ABLIM1: variants seen among roughly 807,000 people sequenced by gnomAD.
ABLIM1 encodes the protein actin binding LIM protein 1.
Under a neutral mutation model 107.0 loss-of-function variants are expected in ABLIM1, and 40 were observed. The ratio of observed to expected loss-of-function variants is 0.37; its 90% CI spans 0.29 to 0.49. ABLIM1 has a LOEUF of 0.49. ABLIM1 is among the 20% of genes least tolerant of loss of function. The pLI, the probability that ABLIM1 is intolerant of heterozygous loss-of-function variation, is 0.97. For synonymous variants in ABLIM1, 357 were observed against 357.3 expected, an observed-to-expected ratio of 1.00 and a Z score of 0.01; for missense variants, 857 against 1,008.5, an observed-to-expected ratio of 0.85 and a Z score of 2.04.
At chr10:114,533,060 C>T (rs1039349233) in intron 6 of ABLIM1, among the ~76,000 whole-genome samples, 3 of 152,140 alleles carry the variant, frequency 2.0e-5, no homozygotes, top group Non-Finnish European at 4.4e-5. Context: ...TTTAAACTGG[C>T]CAGGTGCAGT....
At chr10:114,788,413 CAA>C in the ABLIM1 span, among the ~76,000 whole-genome samples, 24 of 128,940 alleles carry the variant, frequency 1.9e-4, no homozygotes, top group Admixed American at 2.4e-4. Context: ...GAGTCAACTC[CAA>C]AAAAAAAAAA....
Position 114,574,807 on chromosome 10 carries a change from A to G in ABLIM1, c.563+609T>C, listed in dbSNP as rs543470164. ...TACAACCTTGGTAGATGACAGATACATAGAGAACAGGGTTGGCAAATATTT... is the reference window on the plus strand; with the variant it reads ...TACAACCTTGGTAGATGACAGATACGTAGAGAACAGGGTTGGCAAATATTT... On this transcript the variant is annotated intron_variant, in intron 3 of 22. Coordinates refer to ENST00000533213, the MANE Select transcript of ABLIM1 (RefSeq NM_002313.7). Among the ~76,000 whole-genome samples, 4 of 152,326 alleles carry G rather than the reference A, an allele frequency of 2.6e-5. No individual in the cohort carries two copies. In the South Asian group the frequency reaches 8.3e-4, roughly 32 times the overall value.
At chr10:114,637,552 G>A (rs573569940) in intron 1 of ABLIM1, among the ~76,000 whole-genome samples, 1 of 152,252 alleles carries the variant, frequency 6.6e-6, no homozygotes, top group Non-Finnish European at 1.5e-5. Flanking sequence ...TTTTATGGTT[G>A]TATCCAAACT....
At chr10:114,502,486 A>ATTATTTTATT (rs572731163) in intron 6 of ABLIM1, 3 of 151,938 alleles carry the variant, frequency 2.0e-5, no homozygotes, top group African/African-American at 7.3e-5. Context: ...TGCCTTTTTA[A>ATTATTTTATT]TTATTTTATT....
chr10:114,605,963 G>A (rs1439712131), intron 1 of ABLIM1, among the ~76,000 whole-genome samples: 1 of 152,082 alleles, frequency 6.6e-6, no homozygotes, highest in East Asian at 1.9e-4. Context: ...CAATGAGACT[G>A]GGGGAAGGAG....
At chr10:114,586,172 C>G (rs1477332093) in intron 2 of ABLIM1, among the ~76,000 whole-genome samples, 1 of 152,200 alleles carries the variant, frequency 6.6e-6, no homozygotes, top group Admixed American at 6.5e-5. Flanking sequence ...AAACTTCACT[C>G]ATCTTCCAAC....
chr10:114,493,160 A>G (rs1292956802), intron 6 of ABLIM1, among the ~76,000 whole-genome samples: 1 of 152,216 alleles, frequency 6.6e-6, no homozygotes, highest in African/African-American at 2.4e-5. Flanking sequence ...TCCTGCCTGT[A>G]GGACATCTGA....
intron 6 of ABLIM1, among the ~76,000 whole-genome samples, chr10:114,505,103 C>A (rs796588748): frequency 6.6e-6 from 1 of 152,164 alleles, no homozygotes. Context: ...GCTATTAAGT[C>A]GGCTGGTGCT....
intron 6 of ABLIM1, among the ~76,000 whole-genome samples, chr10:114,505,046 C>A (rs2060939687): frequency 6.6e-6 from 1 of 152,140 alleles, no homozygotes; most frequent in African/African-American, 2.4e-5. Flanking sequence ...GGAAGTTGGA[C>A]CCCAGAGGGA....
At position 114,504,201 on chromosome 10, in the gene ABLIM1, T is replaced by G. The variant is rs778031157; in HGVS notation, c.895-12323A>C. ...TTTCTTCCCTTATCAATTACTTTTGTTAACAATACCCTTTGTACTTGTTCT... is the reference window on the plus strand; with the variant it reads ...TTTCTTCCCTTATCAATTACTTTTGGTAACAATACCCTTTGTACTTGTTCT... On this transcript the variant is annotated intron_variant, in intron 6 of 22. Coordinates refer to ENST00000533213, the MANE Select transcript of ABLIM1 (RefSeq NM_002313.7). Among the ~76,000 whole-genome samples the G allele has an allele frequency of 3.9e-4, 60 of 152,238 alleles. 1 individual carries two copies. The highest frequency in any genetic ancestry group is 1.6e-4 in the Non-Finnish European group (11 of 68,034).
intron 1 of ABLIM1, chr10:114,615,685 G>A: frequency 2.5e-6 from 1 of 401,772 alleles, no homozygotes; most frequent in East Asian, 7.5e-5. Flanking sequence ...CAGTCTTTGG[G>A]TGAAACTGAA....
At chr10:114,631,206 A>G (rs2078150329) in intron 1 of ABLIM1, among the ~76,000 whole-genome samples, 1 of 152,326 alleles carries the variant, frequency 6.6e-6, no homozygotes, top group East Asian at 1.9e-4. Context: ...CATTTCAACT[A>G]TCATTCAATT....
At chr10:114,526,492 G>T in intron 6 of ABLIM1, 2 of 308,200 alleles carry the variant, frequency 6.5e-6, no homozygotes, top group Non-Finnish European at 9.5e-6. Flanking sequence ...AAAACAAAAA[G>T]TTTACATAAA....
intron 6 of ABLIM1, among the ~76,000 whole-genome samples, chr10:114,504,539 G>T (rs552930883): frequency 1.3e-5 from 2 of 152,170 alleles, no homozygotes; most frequent in East Asian, 3.9e-4. Flanking sequence ...TCTTCCTAAG[G>T]CCATCCCTTG....
chr10:114,726,610 G>A (rs138757177), intron 1 of ABLIM1, among the ~76,000 whole-genome samples: 3,115 of 151,968 alleles, frequency 0.02, 96 homozygotes, highest in African/African-American at 0.069. Context: ...GTGAAACCCC[G>A]TCTCCACTAA....
the ABLIM1 span, among the ~76,000 whole-genome samples, chr10:114,783,217 G>C: frequency 6.6e-6 from 1 of 151,946 alleles, no homozygotes; most frequent in Admixed American, 6.6e-5. Context: ...GGGAGGCAGA[G>C]GTTGCAGTGA....
chr10:114,575,557 T>C lies in ABLIM1; in HGVS notation c.422A>G (p.Asn141Ser). 1.2e-6 allele frequency: 2 copies of C among 1,614,176 alleles called. No homozygotes were observed. The highest frequency in any genetic ancestry group is 1.7e-6 in the Non-Finnish European group (2 of 1,180,008). The change falls in exon 3 of 23, where the codon AAC becomes AGC. Residue 141 changes from asparagine to serine, a missense_variant. This residue lies in a region of ABLIM1 where 381 missense variants were observed against 506.9 expected (regional missense o/e 0.75). Coordinates refer to ENST00000533213, the MANE Select transcript of ABLIM1 (RefSeq NM_002313.7). ...GTCCAGGGTGCAGAGATACTCTCCG[T>C]TCTTTATGAAGAAGCCCCCTTGTGC... is the stretch of plus-strand genomic sequence containing the variant. ...DLAQGGFFIKNGEYLCTLDYQ... is the reference protein window; with the variant it reads ...DLAQGGFFIKSGEYLCTLDYQ...
intron 1 of ABLIM1, among the ~76,000 whole-genome samples, chr10:114,743,227 A>G (rs1017511264): frequency 6.6e-6 from 1 of 152,192 alleles, no homozygotes; most frequent in African/African-American, 2.4e-5. Context: ...TTAATGGTTT[A>G]TATTCTACTG....
the ABLIM1 span, among the ~76,000 whole-genome samples, chr10:114,792,968 A>G: frequency 6.6e-6 from 1 of 152,128 alleles, no homozygotes. Context: ...CCTAGCCAAC[A>G]TGGTGAAATC....
Sources: gnomAD v4.1 joint callset for allele counts (sites outside exome capture counted in the v4.1 genomes callset) on GRCh38, gnomAD v4.1.1 for gene constraint, gnomAD v4.1.1 regional missense constraint, MANE v1.5 for transcripts, NCBI Gene and HGNC (gene_info 2026-07-23, HGNC 2026-07-21) for gene names.